Variants in TMEM67 observed in about 807,000 individuals in gnomAD.
TMEM67 encodes the protein transmembrane protein 67.
In TMEM67, 124 loss-of-function variants were observed where a neutral mutation model predicts 136.6. That is an observed-to-expected ratio of 0.91 (90% CI 0.78 to 1.05). TMEM67 has a LOEUF of 1.05. TMEM67 is among the 50% of genes least tolerant of loss of function. The pLI, the probability that TMEM67 is intolerant of heterozygous loss-of-function variation, is 0.00. For synonymous variants in TMEM67, 364 were observed against 390.5 expected (o/e 0.93, Z 0.80); for missense variants, 1,107 against 1,178.4 (o/e 0.94, Z 0.89).
chr8:93,821,549 A>G (rs1809041123), downstream of TMEM67, among the ~76,000 whole-genome samples: 1 of 152,150 alleles, frequency 6.6e-6, no homozygotes, highest in Admixed American at 6.5e-5. Flanking sequence ...CTCCCAAAGC[A>G]CTAGGATTAC....
intron 7 of TMEM67, among the ~76,000 whole-genome samples, chr8:93,778,013 C>T (rs1813634070): frequency 6.6e-6 from 1 of 152,162 alleles, no homozygotes; most frequent in African/African-American, 2.4e-5. Flanking sequence ...TCTCTAAGGA[C>T]TTGCTTTATG....
At chr8:93,805,500 G>C (rs932845584) in intron 23 of TMEM67, among the ~76,000 whole-genome samples, 2 of 151,154 alleles carry the variant, frequency 1.3e-5, no homozygotes, top group African/African-American at 4.9e-5. Flanking sequence ...AGAATGGCAT[G>C]AACCTGGGAG....
chr8:93,767,863 C>CTTTTTT (rs200241819), intron 6 of TMEM67, among the ~76,000 whole-genome samples: 3 of 109,916 alleles, frequency 2.7e-5, no homozygotes, highest in Non-Finnish European at 5.4e-5. Context: ...TTTCTTTTTT[C>CTTTTTT]TTTTTTTTTT....
At chr8:93,765,758 G>GA (rs1813057455) in intron 6 of TMEM67, 112 bp downstream of exon 6, 6 of 762,264 alleles carry the variant, frequency 7.9e-6, no homozygotes, top group East Asian at 5.2e-5. Context: ...TTTTAAAACA[G>GA]AAAAAAATCA....
Position 93,758,462 on chromosome 8 carries a change from AT to A in TMEM67, c.313-13del, listed in dbSNP as rs367575555. On this transcript the variant is annotated intron_variant, in intron 2 of 27. Coordinates refer to ENST00000453321, the MANE Select transcript of TMEM67 (RefSeq NM_153704.6). ...AAAGTTAATTAAAAAAGAGAAAAGC[AT>A]TTTTTTTCTTTTAATTTAGAAAGGT... 141 of 1,579,254 alleles carry A rather than the reference AT, an allele frequency of 8.9e-5. No individual in the cohort carries two copies. The highest frequency in any genetic ancestry group is 6.7e-4 in the Middle Eastern group (4 of 5,974).
intron 7 of TMEM67, among the ~76,000 whole-genome samples, chr8:93,773,541 T>TAGCA (rs1486176079): frequency 4.6e-5 from 7 of 152,134 alleles, no homozygotes; most frequent in African/African-American, 1.7e-4. Flanking sequence ...GAGAGAAGCA[T>TAGCA]TTACCTTCAG....
intron 22 of TMEM67, among the ~76,000 whole-genome samples, 179 bp from the exon 23 acceptor site, chr8:93,804,583 T>TA (rs200637561): frequency 2.1e-3 from 283 of 137,728 alleles, no homozygotes; most frequent in African/African-American, 4.4e-3. Context: ...TTCAAACATT[T>TA]AAAAAAAAAA....
chr8:93,792,770 T>G (rs1449032109), intron 15 of TMEM67, among the ~76,000 whole-genome samples: 1 of 150,776 alleles, frequency 6.6e-6, no homozygotes, highest in Non-Finnish European at 1.5e-5. Flanking sequence ...TCCTGTGTCC[T>G]TTCTTTTTTT....
intron 23 of TMEM67, among the ~76,000 whole-genome samples, chr8:93,805,873 T>C (rs998567831): frequency 6.6e-6 from 1 of 152,190 alleles, no homozygotes; most frequent in African/African-American, 2.4e-5. Context: ...AGGGATCAGG[T>C]TGACGTAATT....
intron 26 of TMEM67, among the ~76,000 whole-genome samples, chr8:93,811,833 C>T (rs573881393): frequency 6.6e-6 from 1 of 151,610 alleles, no homozygotes; most frequent in Non-Finnish European, 1.5e-5. Context: ...AGCAAGACTC[C>T]GTCTCAAAAA....
rs1415935037 is a variant in TMEM67, at chr8:93,817,337, G to C, written c.*885G>C. 6.6e-6 allele frequency: 1 copy of C among 152,164 alleles called. No homozygotes were observed. Among genetic ancestry groups the C allele is most frequent in the East Asian group, 1.9e-4 (1 of 5,190 alleles). The allele number at this position is 152,164 out of a possible 1,614,324, so 9.4% of individuals were successfully genotyped here. On this transcript the variant is annotated 3_prime_UTR_variant, in exon 28 of 28. Coordinates refer to ENST00000453321, the MANE Select transcript of TMEM67 (RefSeq NM_153704.6). Reference sequence around the variant, plus strand: ...ACTTTAGGTCAGGAGTTCAAGAACAGCCTGGCCAACATGGAAAACCCCATC... The same window carrying C: ...ACTTTAGGTCAGGAGTTCAAGAACACCCTGGCCAACATGGAAAACCCCATC...
chr8:93,780,529 A>G (rs993770801), intron 7 of TMEM67, 64 bp from the exon 8 acceptor site: 87 of 1,603,000 alleles, frequency 5.4e-5, no homozygotes, highest in Middle Eastern at 5.2e-4. Flanking sequence ...TAAAATTTTT[A>G]TATCAACTTT....
intron 23 of TMEM67, among the ~76,000 whole-genome samples, chr8:93,806,517 A>G (rs1815157254): frequency 1.3e-5 from 2 of 152,186 alleles, no homozygotes; most frequent in Admixed American, 6.5e-5. Flanking sequence ...AAGCTAGGTA[A>G]TGAGTAGTTT....
chr8:93,818,129 G>T (rs370215968), downstream of TMEM67: 1 of 151,964 alleles, frequency 6.6e-6, no homozygotes, highest in East Asian at 1.9e-4. Flanking sequence ...ATACACTGTC[G>T]ACTCCTTTGT....
intron 3 of TMEM67, among the ~76,000 whole-genome samples, chr8:93,759,653 GTT>G (rs762843160): frequency 1.4e-5 from 2 of 138,282 alleles, no homozygotes; most frequent in Non-Finnish European, 1.6e-5. Flanking sequence ...TTTTATTTTT[GTT>G]TTTTTTTTTT....
At position 93,788,171 on chromosome 8, in the gene TMEM67, T is replaced by G. The variant is rs529291460; in HGVS notation, c.1518+222T>G. On this transcript the variant is annotated intron_variant, in intron 14 of 27. Transcript: ENST00000453321. ...AGTAAGAATGGATTATGTTTTTCAG[T>G]AGAAGCCTCACCAGCAGTTGAGTAT... Among the ~76,000 whole-genome samples, 18 of 152,332 alleles carry G rather than the reference T, an allele frequency of 1.2e-4. No individual in the cohort carries two copies. In the South Asian group the frequency reaches 3.7e-3, roughly 32 times the overall value.
At position 93,816,363 on chromosome 8, in the gene TMEM67, A is replaced by G. The variant is rs746550686; in HGVS notation, c.2908-9A>G. 3 of 1,408,582 alleles carry G rather than the reference A, an allele frequency of 2.1e-6. No homozygotes were observed. In the African/African-American group the frequency reaches 4.3e-5, roughly 20 times the overall value. The allele number at this position is 1,408,582 out of a possible 1,614,324, so 87.3% of individuals were successfully genotyped here. On this transcript the variant is annotated splice_polypyrimidine_tract_variant and intron_variant, in intron 27 of 27. Coordinates refer to ENST00000453321, the MANE Select transcript of TMEM67 (RefSeq NM_153704.6). ...TTTCTTTTCATTCTGAATTGTTTTA[A>G]TTTTCCAGATTTTTAGATATATCCG... is the stretch of plus-strand genomic sequence containing the variant.
the TMEM67 span, among the ~76,000 whole-genome samples, chr8:93,829,274 G>A: frequency 4.6e-5 from 7 of 152,206 alleles, no homozygotes; most frequent in East Asian, 1.9e-4. Flanking sequence ...ATTTGTCACC[G>A]TATGTCCCGA....
At chr8:93,766,695 T>A (rs1401004146) in intron 6 of TMEM67, among the ~76,000 whole-genome samples, 1 of 152,036 alleles carries the variant, frequency 6.6e-6, no homozygotes, top group Non-Finnish European at 1.5e-5. Context: ...TTATTGAATA[T>A]AAGAGTGATT....
Sources: gnomAD v4.1 joint callset for allele counts (sites outside exome capture counted in the v4.1 genomes callset) on GRCh38, gnomAD v4.1.1 for gene constraint, MANE v1.5 for transcripts, NCBI Gene and HGNC (gene_info 2026-07-23, HGNC 2026-07-21) for gene names.